CNTNAP4: variants seen among roughly 807,000 people sequenced by gnomAD.
CNTNAP4 encodes the protein contactin associated protein family member 4.
A neutral mutation model predicts 148.4 loss-of-function variants in CNTNAP4; 98 were observed. The observed-to-expected ratio is 0.66, with a 90% confidence interval of 0.56 to 0.78. The LOEUF is 0.78. CNTNAP4 is among the 30% of genes least tolerant of loss of function. The pLI is 0.00. For synonymous variants in CNTNAP4, 730 were observed against 565.1 expected (o/e 1.29, Z -4.14); for missense variants, 1,935 against 1,565.6 (o/e 1.24, Z -3.98).
chr16:76,407,917 T>C (rs1234365414), intron 3 of CNTNAP4, among the ~76,000 whole-genome samples: 2 of 151,820 alleles, frequency 1.3e-5, no homozygotes, highest in African/African-American at 4.9e-5. Flanking sequence ...GCAAACTTCA[T>C]TGTTTTTTTA....
intron 2 of CNTNAP4, among the ~76,000 whole-genome samples, chr16:76,351,305 A>C (rs547460935): frequency 1.2e-3 from 183 of 152,208 alleles, no homozygotes; most frequent in African/African-American, 4.2e-3. Flanking sequence ...CTGGTGGTCT[A>C]ACCTCAGCTG....
intron 2 of CNTNAP4, among the ~76,000 whole-genome samples, chr16:76,342,950 C>T (rs1344708043): frequency 6.6e-6 from 1 of 152,126 alleles, no homozygotes. Context: ...GCTCTCATCA[C>T]GAATGTGCAT....
At chr16:76,379,322 C>G (rs1253472384) in intron 3 of CNTNAP4, among the ~76,000 whole-genome samples, 1 of 152,118 alleles carries the variant, frequency 6.6e-6, no homozygotes, top group Non-Finnish European at 1.5e-5. Flanking sequence ...TATATCTTAC[C>G]CCACCTCCCT....
intron 3 of CNTNAP4, among the ~76,000 whole-genome samples, chr16:76,389,525 C>T (rs2144754701): frequency 6.6e-6 from 1 of 152,300 alleles, no homozygotes; most frequent in Middle Eastern, 3.4e-3. Context: ...GTGATCTCAG[C>T]TCACTGCAAC....
chr16:76,382,148 C>CTT (rs75673519), intron 3 of CNTNAP4, among the ~76,000 whole-genome samples: 34 of 145,616 alleles, frequency 2.3e-4, no homozygotes, highest in Admixed American at 6.8e-4. Context: ...AGAAGCTAGA[C>CTT]TTTTTTTTAA....
At chr16:76,322,832 T>G (rs564524066) in intron 2 of CNTNAP4, among the ~76,000 whole-genome samples, 1 of 145,858 alleles carries the variant, frequency 6.9e-6, no homozygotes, top group Non-Finnish European at 1.5e-5. Flanking sequence ...TTTATTTTAT[T>G]TTTTATTTTT....
chr16:76,498,346 T>G (rs1433941497), intron 14 of CNTNAP4, among the ~76,000 whole-genome samples: 1 of 151,860 alleles, frequency 6.6e-6, no homozygotes, highest in Non-Finnish European at 1.5e-5. Context: ...GAGCCAAAAC[T>G]GTGCTACTGC....
At chr16:76,314,215 A>G (rs1961454657) in intron 1 of CNTNAP4, among the ~76,000 whole-genome samples, 1 of 152,264 alleles carries the variant, frequency 6.6e-6, no homozygotes, top group Middle Eastern at 3.2e-3. Context: ...CATCATAATT[A>G]TAAGCCTTTG....
At chr16:76,368,257 A>G (rs577272244) in intron 3 of CNTNAP4, among the ~76,000 whole-genome samples, 5 of 152,360 alleles carry the variant, frequency 3.3e-5, no homozygotes, top group East Asian at 1.9e-4. Context: ...TATATTCCCA[A>G]TAATAATGAC....
chr16:76,343,155 C>G (rs1231592738), intron 2 of CNTNAP4, among the ~76,000 whole-genome samples: 3 of 150,150 alleles, frequency 2.0e-5, no homozygotes, highest in African/African-American at 2.5e-5. Context: ...GGCATTAACT[C>G]TCATTCCCAG....
Position 76,467,385 on chromosome 16 carries a change from A to G in CNTNAP4, c.1517A>G (p.Lys506Arg). ...GACAAAAGCTTTGGATCCAAATGTA[A>G]AAGTCCACTTGGTGGATTTCAGGGA... The part of the protein sequence containing the change: ...CPDKSFGSKC[K>R]SPLGGFQGCM... Residue 506 changes from lysine to arginine, a missense_variant, in exon 10 of 24, where the codon AAA (lysine) becomes AGA (arginine). By Grantham distance (26) the Lys-to-Arg change is conservative. Transcript: ENST00000611870. 1.2e-6 allele frequency: 2 copies of G among 1,613,910 alleles called. No homozygotes were observed.
In CNTNAP4 at chr16:76,358,131, C is replaced by T. The variant is rs150107443; in HGVS notation, c.390+2620C>T. On this transcript the variant is annotated intron_variant, in intron 3 of 23. Transcript: ENST00000611870. ...GAAGGATCACTTGAGGCCAGGAGTT[C>T]GAGACCAGCCTGGCCAACATGGTGA... Among the ~76,000 whole-genome samples, 745 of 152,182 alleles carry T rather than the reference C, an allele frequency of 4.9e-3. 5 individuals are homozygous for T. The highest frequency in any genetic ancestry group is 0.017 in the African/African-American group (703 of 41,516).
intron 1 of CNTNAP4, among the ~76,000 whole-genome samples, chr16:76,300,427 A>G (rs1959834953): frequency 6.6e-6 from 1 of 152,114 alleles, no homozygotes; most frequent in Non-Finnish European, 1.5e-5. Context: ...GAGAGATAGC[A>G]TTAGGAGAAA....
At chr16:76,430,029 C>T (rs2079554186) in intron 4 of CNTNAP4, among the ~76,000 whole-genome samples, 1 of 151,908 alleles carries the variant, frequency 6.6e-6, no homozygotes, top group African/African-American at 2.4e-5. Flanking sequence ...AGAAAATAAC[C>T]AAAGAATGGG....
intron 17 of CNTNAP4, among the ~76,000 whole-genome samples, chr16:76,531,751 G>C (rs540292384): frequency 6.6e-6 from 1 of 152,234 alleles, no homozygotes; most frequent in East Asian, 1.9e-4. Flanking sequence ...TGAAAATAAA[G>C]TTACTGACTT....
At chr16:76,468,004 A>T (rs1252754937) in intron 10 of CNTNAP4, among the ~76,000 whole-genome samples, 1 of 152,026 alleles carries the variant, frequency 6.6e-6, no homozygotes, top group Non-Finnish European at 1.5e-5. Context: ...CTTTTTAACA[A>T]CCCATTACCA....
At chr16:76,278,556 A>G (rs1182624882) in intron 1 of CNTNAP4, among the ~76,000 whole-genome samples, 1 of 152,240 alleles carries the variant, frequency 6.6e-6, no homozygotes, top group Non-Finnish European at 1.5e-5. Context: ...TTTATTAGAG[A>G]TAGAAAAAGT....
At chr16:76,339,973 G>A (rs1051289398) in intron 2 of CNTNAP4, among the ~76,000 whole-genome samples, 2 of 152,178 alleles carry the variant, frequency 1.3e-5, no homozygotes, top group African/African-American at 4.8e-5. Flanking sequence ...AGGGAAGGAA[G>A]TCCTGGCTGA....
intron 4 of CNTNAP4, among the ~76,000 whole-genome samples, chr16:76,438,037 A>G (rs1181087066): frequency 6.6e-6 from 1 of 152,192 alleles, no homozygotes; most frequent in Non-Finnish European, 1.5e-5. Flanking sequence ...GATTCTTGGA[A>G]TAAGGGAAGT....
Sources: gnomAD v4.1 joint callset for allele counts (sites outside exome capture counted in the v4.1 genomes callset) on GRCh38, gnomAD v4.1.1 for gene constraint, MANE v1.5 for transcripts, NCBI Gene and HGNC (gene_info 2026-07-23, HGNC 2026-07-21) for gene names.